Variants in PRKCH observed in about 807,000 individuals in gnomAD.
The protein encoded by PRKCH is protein kinase C eta type.
Under a neutral mutation model 82.5 loss-of-function variants are expected in PRKCH, and 28 were observed. That is an observed-to-expected ratio of 0.34 (90% confidence interval 0.25 to 0.47). PRKCH has a LOEUF of 0.47. Ranked by LOEUF, PRKCH falls within the 20% of genes least tolerant of loss-of-function variation. The probability of loss-of-function intolerance (pLI) is 1.00; values close to 1 mark genes in which losing one functional copy is unlikely to be tolerated. For missense variants in PRKCH, 705 were observed against 881.8 expected, an observed-to-expected ratio of 0.80 and a Z score of 2.54; for synonymous variants, 322 against 327.4, an observed-to-expected ratio of 0.98 and a Z score of 0.18.
chr14:61,293,225 A>T (rs1385106612), intron 1 of PRKCH, among the ~76,000 whole-genome samples: 1 of 152,230 alleles, frequency 6.6e-6, no homozygotes, highest in East Asian at 1.9e-4. Context: ...TAGACCTTCC[A>T]TCTTCACAGA....
At chr14:61,417,636 G>T (rs573090378) in intron 2 of PRKCH, among the ~76,000 whole-genome samples, 1 of 152,066 alleles carries the variant, frequency 6.6e-6, no homozygotes, top group Non-Finnish European at 1.5e-5. Flanking sequence ...TTTTTCATTC[G>T]GAGACAGTGC....
intron 1 of PRKCH, among the ~76,000 whole-genome samples, chr14:61,313,344 A>C (rs1243480940): frequency 6.6e-6 from 1 of 152,254 alleles, no homozygotes; most frequent in Non-Finnish European, 1.5e-5. Context: ...TAGCTATATT[A>C]ATAATAGCTT....
chr14:61,254,769 G>A (rs985318722), intron 1 of PRKCH, among the ~76,000 whole-genome samples: 14 of 152,318 alleles, frequency 9.2e-5, no homozygotes, highest in Admixed American at 9.2e-4. Context: ...TTCCCTGGCT[G>A]TATGAATATT....
At chr14:61,472,321 C>T (rs1182451233) in intron 9 of PRKCH, among the ~76,000 whole-genome samples, 1 of 152,232 alleles carries the variant, frequency 6.6e-6, no homozygotes, top group Non-Finnish European at 1.5e-5. Context: ...ATTACACTTT[C>T]ACTTTACCAG....
In PRKCH at chr14:61,530,410, C is replaced by A; in HGVS notation, c.1576C>A (p.Leu526Ile). ...TCACGCTGCCCCCTTTGCACAGATCCTCCAGGAAATGCTGTACGGGCCTGC... is the reference window on the plus strand; with the variant it reads ...TCACGCTGCCCCCTTTGCACAGATCATCCAGGAAATGCTGTACGGGCCTGC... ...GTPDYIAPEILQEMLYGPAVD... is the reference protein window; with the variant it reads ...GTPDYIAPEIIQEMLYGPAVD... The change falls in exon 12 of 14, where the codon CTC becomes ATC. Residue 526 changes from leucine to isoleucine, a missense_variant. Physicochemically the swap from Leu to Ile is conservative, Grantham distance 5 (BLOSUM62 2). Transcript: ENST00000332981. The A allele has an allele frequency of 6.3e-7, 1 of 1,582,302 alleles. No individual in the cohort carries two copies. Among genetic ancestry groups the A allele is most frequent in the Non-Finnish European group, 8.6e-7 (1 of 1,161,552 alleles).
chr14:61,279,985 G>T lies in PRKCH; in HGVS notation c.-19+92317G>T, dbSNP rs143113636. 9.5e-3 allele frequency: 9,389 copies of T among 986,154 alleles called. 72 individuals are homozygous for T. Among genetic ancestry groups the T allele is most frequent in the Non-Finnish European group, 0.012 (8,400 of 675,546 alleles). 61.1% of individuals were successfully genotyped at this position (986,154 alleles called of 1,614,324 possible). On this transcript the variant is annotated intron_variant, in intron 1 of 3. Transcript: ENST00000555185. ...TCTGGTCCCCTCATTCACAAAGGGA[G>T]GAAAAGCTAGGCGAGGTTGGAATTG...
At chr14:61,259,544 G>C (rs1366782222) in intron 1 of PRKCH, among the ~76,000 whole-genome samples, 2 of 152,204 alleles carry the variant, frequency 1.3e-5, no homozygotes, top group African/African-American at 4.8e-5. Flanking sequence ...CATCAAAGGA[G>C]ATACCCATTT....
chr14:61,317,560 C>A (rs2045573535), upstream of PRKCH, among the ~76,000 whole-genome samples: 1 of 152,218 alleles, frequency 6.6e-6, no homozygotes, highest in South Asian at 2.1e-4. Flanking sequence ...AGGCGTGAGC[C>A]ATGGTGCCAA....
chr14:61,325,619 A>G (rs1290502896), intron 1 of PRKCH, among the ~76,000 whole-genome samples: 1 of 152,240 alleles, frequency 6.6e-6, no homozygotes. Context: ...GTTGGACTTT[A>G]TCAAAATGAA....
chr14:61,397,360 T>C (rs913011861), intron 2 of PRKCH, among the ~76,000 whole-genome samples: 1 of 152,150 alleles, frequency 6.6e-6, no homozygotes, highest in Non-Finnish European at 1.5e-5. Flanking sequence ...GAAATCTAAG[T>C]TGCAATGTCT....
At chr14:61,233,963 TTCTC>T (rs2044766553) in intron 1 of PRKCH, among the ~76,000 whole-genome samples, 2 of 152,218 alleles carry the variant, frequency 1.3e-5, no homozygotes, top group Admixed American at 6.5e-5. Flanking sequence ...CTATTTCTCT[TTCTC>T]TGCATTTATC....
At chr14:61,291,387 T>G (rs1175472772) in intron 1 of PRKCH, among the ~76,000 whole-genome samples, 1 of 140,336 alleles carries the variant, frequency 7.1e-6, no homozygotes, top group Non-Finnish European at 1.5e-5. Flanking sequence ...TGGAGTGCAG[T>G]GGTGCCATTT....
chr14:61,359,458 A>G (rs1485673439), intron 1 of PRKCH, among the ~76,000 whole-genome samples: 2 of 152,244 alleles, frequency 1.3e-5, no homozygotes, highest in African/African-American at 4.8e-5. Context: ...TTCATATTTT[A>G]GAACTTATGG....
intron 2 of PRKCH, among the ~76,000 whole-genome samples, chr14:61,409,460 G>A (rs569817508): frequency 2.0e-5 from 3 of 151,988 alleles, no homozygotes; most frequent in East Asian, 3.9e-4. Flanking sequence ...ACTCTGGGAG[G>A]CTGAAGCAGG....
rs538893681 is a variant in PRKCH at position 61,225,932 on chromosome 14, G to T, written c.-19+38264G>T. On this transcript the variant is annotated intron_variant, in intron 1 of 3. Transcript: ENST00000555185. ...TTTTTTAATGTTTTGTAAAGCCGGGGTTTTGTCATGTTGCCCAGGCTGGGA... is the reference window on the plus strand; with the variant it reads ...TTTTTTAATGTTTTGTAAAGCCGGGTTTTTGTCATGTTGCCCAGGCTGGGA... Among the ~76,000 whole-genome samples the T allele has an allele frequency of 6.6e-5, 10 of 152,240 alleles. 1 individual carries two copies. The East Asian group carries it at 7.7e-4, about 12-fold the overall frequency.
At chr14:61,375,877 C>T (rs2046422278) in intron 1 of PRKCH, among the ~76,000 whole-genome samples, 1 of 151,820 alleles carries the variant, frequency 6.6e-6, no homozygotes, top group African/African-American at 2.4e-5. Context: ...GGCAAATATT[C>T]ATTAGCCAGG....
chr14:61,269,079 T>A (rs1451232821), intron 1 of PRKCH, among the ~76,000 whole-genome samples: 2 of 152,244 alleles, frequency 1.3e-5, no homozygotes, highest in African/African-American at 4.8e-5. Context: ...TTTGTGCCTA[T>A]GCTTATGACA....
At chr14:61,343,877 C>T (rs893182881) in intron 1 of PRKCH, among the ~76,000 whole-genome samples, 4 of 152,296 alleles carry the variant, frequency 2.6e-5, no homozygotes, top group South Asian at 2.1e-4. Flanking sequence ...TGCCTTTTCC[C>T]TGGTCCGGGA....
chr14:61,204,530 G>A (rs1325210036), intron 1 of PRKCH, among the ~76,000 whole-genome samples: 1 of 152,132 alleles, frequency 6.6e-6, no homozygotes, highest in Non-Finnish European at 1.5e-5. Flanking sequence ...CAAGGCAGGA[G>A]GATTGCTTGC....
Sources: allele counts gnomAD v4.1 joint callset (sites outside exome capture counted in the v4.1 genomes callset), GRCh38; gene constraint gnomAD v4.1.1; transcripts MANE v1.5; gene names NCBI Gene and HGNC (gene_info 2026-07-23, HGNC 2026-07-21).